RAB27A: variants seen among roughly 807,000 people sequenced by gnomAD.
The protein encoded by RAB27A is ras-related protein Rab-27A.
RAB27A carries 17 observed loss-of-function variants against 20.8 expected under a neutral mutation model. The ratio of observed to expected loss-of-function variants is 0.82; its 90% confidence interval spans 0.56 to 1.23. The LOEUF (loss-of-function observed/expected upper bound fraction) is 1.23, where lower values mean the gene tolerates loss of function less well. Ranked by LOEUF, RAB27A falls within the 50% of genes most tolerant of loss-of-function variation. The probability of loss-of-function intolerance (pLI) is 0.00; values close to 1 mark genes in which losing one functional copy is unlikely to be tolerated. For synonymous variants in RAB27A, 85 were observed against 92.8 expected, an observed-to-expected ratio of 0.92 and a Z score of 0.48; for missense variants, 277 against 266.7, an observed-to-expected ratio of 1.04 and a Z score of -0.27.
At position 55,205,501 on chromosome 15, in the gene RAB27A, G is replaced by C. The variant is rs201689862; in HGVS notation, c.*6C>G. On this transcript the variant is annotated 3_prime_UTR_variant, in exon 7 of 7. Coordinates refer to ENST00000336787, the MANE Select transcript of RAB27A (RefSeq NM_183235.3). ...ACCTGAACTACTATGTCGCTTACTT[G>C]ACTTCTCAACAGCCACATGCCCCTT... The C allele has an allele frequency of 6.2e-7, 1 of 1,613,694 alleles. No homozygotes were observed. The highest frequency in any genetic ancestry group is 2.2e-5 in the East Asian group (1 of 44,870).
At chr15:55,245,531 A>G (rs1896653615) in intron 2 of RAB27A, among the ~76,000 whole-genome samples, 1 of 152,254 alleles carries the variant, frequency 6.6e-6, no homozygotes, top group Non-Finnish European at 1.5e-5. Context: ...CCTAAGATTC[A>G]TAAGTGCATT....
At chr15:55,295,670 C>G (rs1386508984) in intron 2 of RAB27A, among the ~76,000 whole-genome samples, 1 of 152,090 alleles carries the variant, frequency 6.6e-6, no homozygotes, top group African/African-American at 2.4e-5. Flanking sequence ...AGAAAGCAGA[C>G]TAGTGGTTTC....
chr15:55,234,947 A>C lies in RAB27A; in HGVS notation c.-13T>G, dbSNP rs1202630932. The C allele has an allele frequency of 6.2e-7, 1 of 1,608,474 alleles. No individual in the cohort carries two copies. The highest frequency in any genetic ancestry group is 1.1e-5 in the South Asian group (1 of 90,790). On this transcript the variant is annotated 5_prime_UTR_variant, in exon 3 of 7. Coordinates refer to ENST00000336787, the MANE Select transcript of RAB27A (RefSeq NM_183235.3). The stretch of plus-strand genomic sequence containing the variant: ...CTCCATCAGACATAATGAAGAACTC[A>C]GTAGTTCACCTGTAAAATACACACA...
rs765369750 is a variant in RAB27A, at chr15:55,230,401, C to G, written c.239G>C (p.Arg80Thr). 6.8e-6 allele frequency: 11 copies of G among 1,608,708 alleles called. No homozygotes were observed. The highest frequency in any genetic ancestry group is 9.4e-6 in the Non-Finnish European group (11 of 1,175,096). Reference protein sequence around the residue: ...LQLWDTAGQERFRSLTTAFFR... With the variant: ...LQLWDTAGQETFRSLTTAFFR... ...GAGCACATAACTGAAGATCTCATAC[C>G]TCTCCTGCCCTGCTGTGTCCCATAA... The change falls in exon 4 of 7, where the codon AGG becomes ACG. Residue 80 changes from arginine to threonine, a missense_variant and splice_region_variant. Arg to Thr is a moderately conservative substitution (Grantham distance 71). Transcript: ENST00000336787.
intron 2 of RAB27A, among the ~76,000 whole-genome samples, chr15:55,269,071 C>T (rs1370926659): frequency 6.6e-6 from 1 of 152,196 alleles, no homozygotes; most frequent in African/African-American, 2.4e-5. Flanking sequence ...TTCTCCCTCA[C>T]AGTCCTCAAA....
chr15:55,273,175 G>A (rs1897756453), intron 1 of RAB27A, among the ~76,000 whole-genome samples: 1 of 152,154 alleles, frequency 6.6e-6, no homozygotes, highest in African/African-American at 2.4e-5. Context: ...GGGAGGCCAA[G>A]GCGGGCAGAT....
intron 1 of RAB27A, among the ~76,000 whole-genome samples, chr15:55,315,588 G>C (rs574763325): frequency 6.6e-6 from 1 of 152,304 alleles, no homozygotes; most frequent in Non-Finnish European, 1.5e-5. Context: ...CAAAAAGTGA[G>C]TGAAGGATAT....
In RAB27A at chr15:55,212,818, C is replaced by T. The variant is rs143062896; in HGVS notation, c.468-7113G>A. 6.2e-3 allele frequency among the ~76,000 whole-genome samples: 940 copies of T among 152,318 alleles called. 11 individuals carry two copies. Among genetic ancestry groups the T allele is most frequent in the South Asian group, 0.034 (162 of 4,816 alleles). On this transcript the variant is annotated intron_variant, in intron 6 of 6. Coordinates refer to ENST00000336787, the MANE Select transcript of RAB27A (RefSeq NM_183235.3). ...TGCTGGGATTACAGGCATGAGCCAC[C>T]GCACCCAGCCCATCAAATCTTAAGT...
At chr15:55,255,393 G>A (rs532815958) in intron 2 of RAB27A, among the ~76,000 whole-genome samples, 4 of 152,166 alleles carry the variant, frequency 2.6e-5, no homozygotes, top group African/African-American at 9.7e-5. Context: ...CCTCATGGGT[G>A]TGTTTCATCT....
chr15:55,260,479 G>A (rs1251202819), intron 2 of RAB27A, among the ~76,000 whole-genome samples: 2 of 152,190 alleles, frequency 1.3e-5, no homozygotes, highest in African/African-American at 2.4e-5. Context: ...ACAAAAACCT[G>A]CACACTGATA....
At chr15:55,255,042 G>T (rs1484242635) in intron 2 of RAB27A, among the ~76,000 whole-genome samples, 4 of 152,256 alleles carry the variant, frequency 2.6e-5, no homozygotes, top group Non-Finnish European at 5.9e-5. Flanking sequence ...TCTATGCACA[G>T]ATGACATGAG....
intron 2 of RAB27A, among the ~76,000 whole-genome samples, chr15:55,298,725 T>G (rs1327235251): frequency 6.6e-6 from 1 of 152,092 alleles, no homozygotes; most frequent in Non-Finnish European, 1.5e-5. Context: ...ACCCCTACAG[T>G]CTACAGGCCA....
chr15:55,215,106 G>C (rs1255098285), intron 6 of RAB27A, among the ~76,000 whole-genome samples: 1 of 152,088 alleles, frequency 6.6e-6, no homozygotes, highest in African/African-American at 2.4e-5. Context: ...AAAAGTAGTT[G>C]AACAGTAAGC....
chr15:55,284,078 A>G (rs550565717), intron 1 of RAB27A, among the ~76,000 whole-genome samples: 7 of 152,348 alleles, frequency 4.6e-5, no homozygotes, highest in Admixed American at 2.6e-4. Context: ...TTAACCAATG[A>G]AACTATGAAA....
chr15:55,207,458 T>C (rs1894705980), intron 6 of RAB27A, among the ~76,000 whole-genome samples: 1 of 152,168 alleles, frequency 6.6e-6, no homozygotes, highest in South Asian at 2.1e-4. Flanking sequence ...TATCTATTTA[T>C]CCCAGTGAGC....
intron 2 of RAB27A, among the ~76,000 whole-genome samples, chr15:55,296,480 G>A (rs553715290): frequency 6.6e-6 from 1 of 151,984 alleles, no homozygotes; most frequent in African/African-American, 2.4e-5. Context: ...CTCCAGCTTG[G>A]GCAATAGAGC....
chr15:55,234,384 A>T (rs1896165567), intron 3 of RAB27A, among the ~76,000 whole-genome samples: 1 of 152,190 alleles, frequency 6.6e-6, no homozygotes, highest in African/African-American at 2.4e-5. Context: ...AACTGCTGAG[A>T]CTTTATTAGG....
chr15:55,257,586 G>C (rs1897125673), intron 2 of RAB27A, among the ~76,000 whole-genome samples: 1 of 152,228 alleles, frequency 6.6e-6, no homozygotes, highest in Admixed American at 6.5e-5. Flanking sequence ...AAGACAGCTA[G>C]ATGTCCTGCA....
intron 6 of RAB27A, among the ~76,000 whole-genome samples, chr15:55,218,449 T>A (rs555659158): frequency 2.6e-5 from 4 of 152,368 alleles, no homozygotes; most frequent in African/African-American, 9.6e-5. Flanking sequence ...TTTAAAAGAC[T>A]AAACTATTAG....
Sources: allele counts gnomAD v4.1 joint callset (sites outside exome capture counted in the v4.1 genomes callset), GRCh38; gene constraint gnomAD v4.1.1; transcripts MANE v1.5; gene names NCBI Gene and HGNC (gene_info 2026-07-23, HGNC 2026-07-21).